The following JPH3 variants were observed in gnomAD, a reference collection of about 807,000 sequenced individuals.
JPH3 encodes the protein junctophilin-3.
A neutral mutation model predicts 59.6 loss-of-function variants in JPH3; 11 were observed. That is an observed-to-expected ratio of 0.18 (90% confidence interval 0.12 to 0.31). JPH3 has a LOEUF of 0.31. Ranked by LOEUF, JPH3 falls within the 10% of genes least tolerant of loss-of-function variation. The probability of loss-of-function intolerance (pLI) is 1.00; values close to 1 mark genes in which losing one functional copy is unlikely to be tolerated. For synonymous variants in JPH3, 673 were observed against 483.6 expected (o/e 1.39, Z -5.14); for missense variants, 1,202 against 1,105.7 (o/e 1.09, Z -1.24).
chr16:87,695,092 G>A (rs1456047443), intron 4 of JPH3: 20 of 353,246 alleles, frequency 5.7e-5, no homozygotes, highest in South Asian at 1.9e-4. Context: ...CTGGGTCCCC[G>A]GTGTTCTCAT....
At chr16:87,655,664 A>T (rs933670782) in intron 2 of JPH3, among the ~76,000 whole-genome samples, 1 of 152,184 alleles carries the variant, frequency 6.6e-6, no homozygotes, top group Non-Finnish European at 1.5e-5. Flanking sequence ...ATAATGTTCT[A>T]TTTTAATTTC....
intron 2 of JPH3, among the ~76,000 whole-genome samples, chr16:87,666,413 A>G (rs2150863297): frequency 6.7e-6 from 1 of 148,484 alleles, no homozygotes; most frequent in South Asian, 2.2e-4. Context: ...TCCCTTGGCA[A>G]CAGGGTCTTG....
At chr16:87,678,832 A>G (rs1169651898) in intron 2 of JPH3, among the ~76,000 whole-genome samples, 2 of 152,242 alleles carry the variant, frequency 1.3e-5, no homozygotes, top group African/African-American at 4.8e-5. Flanking sequence ...GGCGGGAGTA[A>G]GGCCACCACG....
intron 1 of JPH3, among the ~76,000 whole-genome samples, chr16:87,620,056 A>G (rs1264947268): frequency 6.6e-6 from 1 of 152,102 alleles, no homozygotes; most frequent in African/African-American, 2.4e-5. Flanking sequence ...GTTGTTAAGA[A>G]AAACAAGAGC....
intron 2 of JPH3, among the ~76,000 whole-genome samples, chr16:87,648,695 G>A (rs2032233972): frequency 6.6e-6 from 1 of 152,172 alleles, no homozygotes; most frequent in South Asian, 2.1e-4. Context: ...CTCAGCCCAG[G>A]GTGGAGTCAC....
At chr16:87,657,870 G>C (rs937283858) in intron 2 of JPH3, among the ~76,000 whole-genome samples, 1 of 152,216 alleles carries the variant, frequency 6.6e-6, no homozygotes, top group African/African-American at 2.4e-5. Flanking sequence ...TAGTCTGGGG[G>C]CATGTGCCTG....
intron 4 of JPH3, among the ~76,000 whole-genome samples, chr16:87,692,825 C>T (rs2033634970): frequency 6.6e-6 from 1 of 152,210 alleles, no homozygotes; most frequent in Admixed American, 6.5e-5. Context: ...GGCAGCCACG[C>T]CCTCGCCCAC....
intron 1 of JPH3, among the ~76,000 whole-genome samples, chr16:87,633,445 G>A (rs1324289632): frequency 2.6e-5 from 4 of 151,154 alleles, no homozygotes; most frequent in South Asian, 2.1e-4. Context: ...AGTGAATTCC[G>A]GCAGACATAA....
At chr16:87,621,923 G>A (rs953785384) in intron 1 of JPH3, among the ~76,000 whole-genome samples, 3 of 152,170 alleles carry the variant, frequency 2.0e-5, no homozygotes, top group Non-Finnish European at 4.4e-5. Context: ...AGAAGCAGCC[G>A]CCCCTCCCCT....
intron 3 of JPH3, among the ~76,000 whole-genome samples, chr16:87,687,187 G>A (rs1422496396): frequency 6.6e-6 from 1 of 152,196 alleles, no homozygotes; most frequent in African/African-American, 2.4e-5. Context: ...GTGGGGCTGG[G>A]GGAAGCTGTC....
intron 3 of JPH3, among the ~76,000 whole-genome samples, chr16:87,687,063 C>T (rs937841208): frequency 5.3e-5 from 8 of 152,202 alleles, no homozygotes; most frequent in Non-Finnish European, 7.3e-5. Flanking sequence ...TTTTTACAAG[C>T]GCTGGGACTG....
chr16:87,676,390 G>T (rs1437997725), intron 2 of JPH3, among the ~76,000 whole-genome samples: 2 of 152,120 alleles, frequency 1.3e-5, no homozygotes, highest in African/African-American at 4.8e-5. Flanking sequence ...CTCTTCTTCA[G>T]GTTTACGGTA....
At chr16:87,604,607 G>C (rs2030440461) in intron 1 of JPH3, 8 of 1,209,928 alleles carry the variant, frequency 6.6e-6, no homozygotes, top group Middle Eastern at 3.6e-4. Context: ...TGCTTCTGCC[G>C]AGAATAAAAA....
intron 2 of JPH3, among the ~76,000 whole-genome samples, chr16:87,652,579 T>G (rs1195786277): frequency 6.6e-6 from 1 of 152,254 alleles, no homozygotes; most frequent in African/African-American, 2.4e-5. Context: ...TCCTCCTGCT[T>G]CCGCCTTCCG....
At position 87,695,898 on chromosome 16, in the gene JPH3, G is replaced by A. The variant is rs1039437920; in HGVS notation, c.2167-682G>A. On this transcript the variant is annotated intron_variant, in intron 4 of 4. Transcript: ENST00000284262. ...CCCAGGCTGTGCGGCTGAAGGGGGA[G>A]TCTGGCACTTGGGGCTCCGGCGGAG... 2.4e-5 allele frequency: 11 copies of A among 455,992 alleles called. No individual in the cohort carries two copies. The East Asian group carries it at 4.2e-4, about 17-fold the overall frequency. The allele number at this position is 455,992 out of a possible 1,614,324, so 28.2% of individuals were successfully genotyped here.
intron 1 of JPH3, among the ~76,000 whole-genome samples, chr16:87,643,097 A>C (rs1453481119): frequency 6.6e-6 from 1 of 152,084 alleles, no homozygotes; most frequent in African/African-American, 2.4e-5. Flanking sequence ...TGCATCTCTG[A>C]GCGTGACTAC....
chr16:87,686,442 G>A (rs2033420074), intron 3 of JPH3, among the ~76,000 whole-genome samples: 1 of 130,014 alleles, frequency 7.7e-6, no homozygotes. Flanking sequence ...TGGATTCAGA[G>A]GAGATGCTTC....
chr16:87,617,002 G>A (rs2562067), intron 1 of JPH3, among the ~76,000 whole-genome samples: 138,194 of 152,226 alleles, frequency 0.91, 62,771 homozygotes, highest in East Asian at 1. Context: ...AGGCGGGTGG[G>A]TCACCTGAGG....
chr16:87,620,558 A>AG (rs113883298), intron 1 of JPH3, among the ~76,000 whole-genome samples: 2,182 of 93,260 alleles, frequency 0.023, 59 homozygotes, highest in African/African-American at 0.084. Flanking sequence ...AGGGCTGCAG[A>AG]GGGGGAACGT....
Sources: allele counts gnomAD v4.1 joint callset (sites outside exome capture counted in the v4.1 genomes callset), GRCh38; gene constraint gnomAD v4.1.1; transcripts MANE v1.5; gene names NCBI Gene and HGNC (gene_info 2026-07-23, HGNC 2026-07-21).